The following ATP8A1 variants were observed in gnomAD, a reference collection of about 807,000 sequenced individuals.
The protein encoded by ATP8A1 is phospholipid-transporting ATPase IA.
ATP8A1 carries 90 observed loss-of-function variants against 177.7 expected under a neutral mutation model. The ratio of observed to expected loss-of-function variants is 0.51; its 90% CI spans 0.43 to 0.60. The LOEUF is 0.60. Among genes scored for constraint, ATP8A1 ranks in the 20% least tolerant of loss-of-function variants. The probability of loss-of-function intolerance (pLI) is 0.00; values close to 1 mark genes in which losing one functional copy is unlikely to be tolerated. For missense variants in ATP8A1, 1,072 were observed against 1,392.8 expected (o/e 0.77, Z 3.67); for synonymous variants, 493 against 485.9 (o/e 1.01, Z -0.19).
rs985450373 is a variant in ATP8A1 at position 42,498,963 on chromosome 4, T to C, written c.2151+4487A>G. 6.6e-5 allele frequency among the ~76,000 whole-genome samples: 10 copies of C among 152,340 alleles called. 1 individual carries two copies. The highest frequency in any genetic ancestry group is 2.4e-4 in the African/African-American group (10 of 41,578). ...TTTATCTGTAAAATGGGCATACTAG[T>C]ATCTACTTATAACATATAAATTAAT... On this transcript the variant is annotated intron_variant, in intron 24 of 36. Transcript: ENST00000381668.
chr4:42,451,848 G>A, intron 30 of ATP8A1, 133 bp downstream of exon 30: 2 of 532,576 alleles, frequency 3.8e-6, no homozygotes, highest in South Asian at 7.6e-5. Context: ...TACAATTTTT[G>A]GGTGCATGCA....
chr4:42,511,466 A>C (rs1333968649), intron 22 of ATP8A1, among the ~76,000 whole-genome samples: 1 of 152,206 alleles, frequency 6.6e-6, no homozygotes, highest in African/African-American at 2.4e-5. Flanking sequence ...TTACTTTCTA[A>C]ATGTCACCAA....
chr4:42,650,309 C>T (rs936310253), intron 1 of ATP8A1, among the ~76,000 whole-genome samples: 1 of 152,156 alleles, frequency 6.6e-6, no homozygotes, highest in East Asian at 1.9e-4. Context: ...CATGCTGTAT[C>T]GCTATACTCA....
chr4:42,633,140 G>GA (rs1738921112), intron 1 of ATP8A1, among the ~76,000 whole-genome samples: 2 of 152,204 alleles, frequency 1.3e-5, no homozygotes, highest in Non-Finnish European at 2.9e-5. Flanking sequence ...ATCCATATTT[G>GA]AAAAGCTAAG....
At chr4:42,478,597 A>T (rs1482338887) in intron 25 of ATP8A1, among the ~76,000 whole-genome samples, 1 of 151,930 alleles carries the variant, frequency 6.6e-6, no homozygotes, top group Admixed American at 6.6e-5. Context: ...TCAAAGAGCC[A>T]CTTGCTTTAG....
intron 25 of ATP8A1, among the ~76,000 whole-genome samples, chr4:42,471,372 C>T (rs1171265394): frequency 6.6e-6 from 1 of 152,148 alleles, no homozygotes; most frequent in East Asian, 1.9e-4. Context: ...TACAGATAGC[C>T]TTTCCATAGG....
chr4:42,422,446 T>A (rs1360906118), intron 35 of ATP8A1, among the ~76,000 whole-genome samples: 1 of 152,242 alleles, frequency 6.6e-6, no homozygotes, highest in Non-Finnish European at 1.5e-5. Context: ...TTTCTTCTCT[T>A]GCAGTTTAAT....
intron 3 of ATP8A1, 26 bp downstream of exon 3, chr4:42,625,588 G>A: frequency 6.7e-7 from 1 of 1,488,134 alleles, no homozygotes; most frequent in Non-Finnish European, 9.3e-7. Context: ...CTGAACATTT[G>A]ACAAGGTTTT....
intron 4 of ATP8A1, among the ~76,000 whole-genome samples, chr4:42,624,076 A>G (rs952020072): frequency 3.3e-5 from 5 of 152,258 alleles, no homozygotes; most frequent in Middle Eastern, 3.4e-3. Context: ...TTTGGTTACT[A>G]TTACTTTCTT....
intron 25 of ATP8A1, among the ~76,000 whole-genome samples, chr4:42,480,008 G>GTGTGTGTGTGTGTGTGTGTT (rs1553883675): frequency 4.7e-5 from 7 of 149,964 alleles, no homozygotes; most frequent in Admixed American, 2.0e-4. Context: ...GTGTGTGTGT[G>GTGTGTGTGTGTGTGTGTGTT]TGTGTGTGTG....
chr4:42,600,422 T>TA lies in ATP8A1; in HGVS notation c.450+55dup. On this transcript the variant is annotated intron_variant, in intron 6 of 36. Transcript: ENST00000381668. ...ATATTATACAAAAAATTATATATAC[T>TA]AGAGTACACCGCTATGTATTTCTTC... 3 of 1,448,326 alleles carry TA rather than the reference T, an allele frequency of 2.1e-6. No homozygotes were observed. In the South Asian group the frequency reaches 4.0e-5, roughly 19 times the overall value. The allele number at this position is 1,448,326 out of a possible 1,614,324, so 89.7% of individuals were successfully genotyped here.
chr4:42,541,660 C>T (rs1728400755), intron 20 of ATP8A1, among the ~76,000 whole-genome samples: 1 of 152,186 alleles, frequency 6.6e-6, no homozygotes, highest in South Asian at 2.1e-4. Context: ...AACTGTGGCA[C>T]ATCCAGACAA....
chr4:42,656,684 G>A, intron 1 of ATP8A1, 141 bp downstream of exon 1: 1 of 984,024 alleles, frequency 1.0e-6, no homozygotes, highest in Admixed American at 3.0e-5. Flanking sequence ...GGGGGGAAGG[G>A]TCCCCTAGGG....
In ATP8A1 at chr4:42,452,119, A is replaced by G; in HGVS notation, c.2818-60T>C. On this transcript the variant is annotated intron_variant, in intron 29 of 36. Coordinates refer to ENST00000381668, the MANE Select transcript of ATP8A1 (RefSeq NM_006095.2). ...CGATAAACTAGCTCTGTGAACTCTG[A>G]CCTTTCTTTTTATCTATGAGCTAGA... The G allele has an allele frequency of 2.5e-6, 3 of 1,212,656 alleles. No individual in the cohort carries two copies. In the South Asian group the frequency reaches 3.8e-5, roughly 16 times the overall value. The allele number at this position is 1,212,656 out of a possible 1,614,324, so 75.1% of individuals were successfully genotyped here.
intron 12 of ATP8A1, among the ~76,000 whole-genome samples, chr4:42,577,294 T>C (rs75125733): frequency 0.015 from 2,234 of 152,298 alleles, 49 homozygotes; most frequent in African/African-American, 0.05. Context: ...TATTACGTAA[T>C]TTTTCAGCCA....
At chr4:42,533,705 G>A (rs985878201) in intron 20 of ATP8A1, among the ~76,000 whole-genome samples, 1 of 152,118 alleles carries the variant, frequency 6.6e-6, no homozygotes, top group East Asian at 1.9e-4. Flanking sequence ...CCTGGCTGGA[G>A]GCCAACCAAA....
chr4:42,559,937 C>T (rs1255232048), intron 15 of ATP8A1, among the ~76,000 whole-genome samples: 2 of 152,194 alleles, frequency 1.3e-5, no homozygotes, highest in East Asian at 3.8e-4. Context: ...AACTCCTGAC[C>T]TCAGGTGATT....
At chr4:42,577,095 A>ATC (rs1204830488) in intron 12 of ATP8A1, among the ~76,000 whole-genome samples, 2 of 152,210 alleles carry the variant, frequency 1.3e-5, no homozygotes, top group African/African-American at 4.8e-5. Context: ...TATATTAGAA[A>ATC]GGTGGTTGAA....
At chr4:42,490,181 T>A (rs1054384879) in intron 24 of ATP8A1, among the ~76,000 whole-genome samples, 1 of 152,160 alleles carries the variant, frequency 6.6e-6, no homozygotes, top group African/African-American at 2.4e-5. Context: ...GCTCTTCCCA[T>A]ACCCACAGCA....
Sources: allele counts gnomAD v4.1 joint callset (sites outside exome capture counted in the v4.1 genomes callset), GRCh38; gene constraint gnomAD v4.1.1; transcripts MANE v1.5; gene names NCBI Gene and HGNC (gene_info 2026-07-23, HGNC 2026-07-21).